The following SASH1 variants were observed in gnomAD, a reference collection of about 807,000 sequenced individuals.
SASH1 encodes the protein SAM and SH3 domain containing 1, also known as SAM and SH3 domain-containing protein 1.
A neutral mutation model predicts 125.2 loss-of-function variants in SASH1; 44 were observed. The ratio of observed to expected loss-of-function variants is 0.35; its 90% CI spans 0.28 to 0.45. The LOEUF (loss-of-function observed/expected upper bound fraction) is 0.45, where lower values mean the gene tolerates loss of function less well. Ranked by LOEUF, SASH1 falls within the 20% of genes least tolerant of loss-of-function variation. SASH1 has a pLI of 1.00. For synonymous variants in SASH1, 639 were observed against 649.1 expected (o/e 0.98, Z 0.24); for missense variants, 1,426 against 1,614.5 (o/e 0.88, Z 2.00).
intron 4 of SASH1, among the ~76,000 whole-genome samples, chr6:148,444,500 G>A (rs1776694002): frequency 6.6e-6 from 1 of 152,168 alleles, no homozygotes; most frequent in Non-Finnish European, 1.5e-5. Flanking sequence ...TAGGTGATAG[G>A]TAAGTAGGTG....
intron 1 of SASH1, among the ~76,000 whole-genome samples, chr6:148,282,961 A>G (rs909919080): frequency 1.3e-5 from 2 of 152,086 alleles, no homozygotes; most frequent in Non-Finnish European, 2.9e-5. Flanking sequence ...ACACCTAAAG[A>G]TGTATCCAGA....
At chr6:148,386,883 G>T (rs1349550363) in intron 1 of SASH1, among the ~76,000 whole-genome samples, 4 of 152,144 alleles carry the variant, frequency 2.6e-5, no homozygotes, top group Admixed American at 2.6e-4. Context: ...AGGCTTCAGG[G>T]TGAACAGGGA....
Position 148,397,674 on chromosome 6 carries a change from G to A in SASH1, c.285+7412G>A, listed in dbSNP as rs9498036. ...GCCTGGTTTGAGGGCAGGGATTTTT[G>A]TTGGTCTGTTTTGGTCACTACTGTA... On this transcript the variant is annotated intron_variant, in intron 2 of 19. Transcript: ENST00000367467. Among the ~76,000 whole-genome samples the A allele has an allele frequency of 2.1e-4, 32 of 152,182 alleles. No individual in the cohort carries two copies. The East Asian group carries it at 5.8e-3, about 28-fold the overall frequency.
chr6:148,544,349 C>T lies in SASH1; in HGVS notation c.2879C>T (p.Thr960Ile). 3 of 1,614,178 alleles carry T rather than the reference C, an allele frequency of 1.9e-6. No individual in the cohort carries two copies. The highest frequency in any genetic ancestry group is 2.2e-5 in the South Asian group (2 of 91,074). Residue 960 changes from threonine to isoleucine, a missense_variant, in exon 18 of 20, where the codon ACA (threonine) becomes ATA (isoleucine). Physicochemically the swap from Thr to Ile is moderately conservative, Grantham distance 89. Around this residue, in one of 3 missense-constraint regions of SASH1, gnomAD observed 634 missense variants for 694.4 expected, o/e 0.91. Transcript: ENST00000367467. This position sits in a 1 kb window ranked among gnomAD's most constrained non-coding sequence, Gnocchi z 6.4. ...GHRKGHEFEG[T>I]HHPLGTKEGV... is the part of the protein sequence containing the mutation. Reference sequence around the variant, plus strand: ...AGAAAAGGACACGAGTTTGAAGGAACACACCATCCCCTGGGCACCAAAGAA... The same window carrying T: ...AGAAAAGGACACGAGTTTGAAGGAATACACCATCCCCTGGGCACCAAAGAA...
At chr6:148,389,685 G>A (rs1783618687) in intron 1 of SASH1, among the ~76,000 whole-genome samples, 1 of 152,128 alleles carries the variant, frequency 6.6e-6, no homozygotes, top group Admixed American at 6.5e-5. Context: ...GAGCTTCCCA[G>A]TAGGTGGTGG....
chr6:148,386,513 C>T lies in SASH1; in HGVS notation c.157-3621C>T, dbSNP rs79607715. 2.6e-5 allele frequency among the ~76,000 whole-genome samples: 4 copies of T among 152,306 alleles called. No individual in the cohort carries two copies. In the East Asian group the frequency reaches 5.8e-4, roughly 22 times the overall value. ...AAGAGACAGAGAGAGTGATGGATTT[C>T]TATTCCAGACCAGAAAGCCACAGGG... On this transcript the variant is annotated intron_variant, in intron 1 of 19. Transcript: ENST00000367467.
chr6:148,336,506 G>C (rs1279103424), intron 1 of SASH1, among the ~76,000 whole-genome samples: 1 of 152,148 alleles, frequency 6.6e-6, no homozygotes, highest in Non-Finnish European at 1.5e-5. Context: ...TGCTGCTAAA[G>C]AGGTAAATGG....
chr6:148,331,922 G>T (rs1781007372), intron 1 of SASH1, among the ~76,000 whole-genome samples: 2 of 152,136 alleles, frequency 1.3e-5, no homozygotes, highest in South Asian at 4.2e-4. Flanking sequence ...AGGCTCAAGT[G>T]ATCCTTCTGC....
chr6:148,376,557 G>A (rs994758069), intron 1 of SASH1, among the ~76,000 whole-genome samples: 1 of 152,084 alleles, frequency 6.6e-6, no homozygotes. Context: ...TCTTGTATTT[G>A]TTTTCTTACA....
upstream of SASH1, among the ~76,000 whole-genome samples, chr6:148,342,225 A>C (rs1486901921): frequency 6.6e-6 from 1 of 152,232 alleles, no homozygotes; most frequent in Non-Finnish European, 1.5e-5. Flanking sequence ...CTCGTGCCCA[A>C]GCTTTCACAC....
chr6:148,457,921 C>T (rs902012161), intron 4 of SASH1, among the ~76,000 whole-genome samples: 6 of 152,316 alleles, frequency 3.9e-5, no homozygotes, highest in South Asian at 4.1e-4. Flanking sequence ...CACTCACTAT[C>T]GCGAGAACAG....
the SASH1 span, among the ~76,000 whole-genome samples, chr6:148,238,165 C>T: frequency 2.0e-5 from 3 of 152,282 alleles, no homozygotes; most frequent in Non-Finnish European, 4.4e-5. Context: ...TCACCTTCCA[C>T]CTCAAAGCCT....
chr6:148,257,673 C>T, the SASH1 span, among the ~76,000 whole-genome samples: 1 of 149,822 alleles, frequency 6.7e-6, no homozygotes, highest in South Asian at 2.1e-4. Context: ...ACTCTGTCGC[C>T]AGGCTAGAGT....
rs117011376 is a variant in SASH1 at position 148,424,564 on chromosome 6, G to A, written c.286-15620G>A. ...CTGTTTGCCCAGGCTGGAGTGCCGTGGTGCAATCATAACTCACTGTAACCT... is the reference window on the plus strand; with the variant it reads ...CTGTTTGCCCAGGCTGGAGTGCCGTAGTGCAATCATAACTCACTGTAACCT... On this transcript the variant is annotated intron_variant, in intron 2 of 19. Transcript: ENST00000367467. Among the ~76,000 whole-genome samples, 970 of 152,236 alleles carry A rather than the reference G, an allele frequency of 6.4e-3. 40 individuals carry two copies. The East Asian group carries it at 0.11, about 17-fold the overall frequency.
chr6:148,447,144 A>G (rs1242995312), intron 4 of SASH1, among the ~76,000 whole-genome samples: 5 of 152,244 alleles, frequency 3.3e-5, no homozygotes, highest in Non-Finnish European at 7.3e-5. Flanking sequence ...GCCAATATTT[A>G]TAACTTCTTT....
At chr6:148,387,656 CTTTCTTTCTTTCTTTCT>C (rs1783511148) in intron 1 of SASH1, among the ~76,000 whole-genome samples, 1 of 52,648 alleles carries the variant, frequency 1.9e-5, no homozygotes, top group Non-Finnish European at 3.5e-5. Context: ...TTCTTTCTTT[CTTTCTTTCTTTCTTTCT>C]TTCTTTCTTT....
chr6:148,525,448 T>C, intron 11 of SASH1, 83 bp downstream of exon 11: 2 of 1,100,752 alleles, frequency 1.8e-6, no homozygotes, highest in Admixed American at 1.7e-5. Flanking sequence ...TCTTTGAGAA[T>C]TGATACTGGG....
At chr6:148,301,942 A>G (rs2128513786) in intron 1 of SASH1, among the ~76,000 whole-genome samples, 1 of 152,008 alleles carries the variant, frequency 6.6e-6, no homozygotes. Context: ...AATGATCATT[A>G]TGTGCCAAAC....
intron 16 of SASH1, among the ~76,000 whole-genome samples, chr6:148,538,372 A>G (rs1355187885): frequency 6.6e-6 from 1 of 152,246 alleles, no homozygotes; most frequent in East Asian, 1.9e-4. Context: ...CTGGGTTGTA[A>G]TGGATAGCAC....
Sources: allele counts gnomAD v4.1 joint callset (sites outside exome capture counted in the v4.1 genomes callset), GRCh38; gene constraint gnomAD v4.1.1; regional missense constraint gnomAD v4.1.1; non-coding constraint Gnocchi (gnomAD v3.1); transcripts MANE v1.5; gene names NCBI Gene and HGNC (gene_info 2026-07-23, HGNC 2026-07-21).